NEGR1: variants seen among roughly 807,000 people sequenced by gnomAD.
NEGR1 encodes the protein neuronal growth regulator 1, also known as IgLON family member 4.
A neutral mutation model predicts 40.9 loss-of-function variants in NEGR1; 10 were observed. That is an observed-to-expected ratio of 0.24 (90% confidence interval 0.15 to 0.42). The LOEUF (loss-of-function observed/expected upper bound fraction) is 0.42, where lower values mean the gene tolerates loss of function less well. Among genes scored for constraint, NEGR1 ranks in the 10% least tolerant of loss-of-function variants. The pLI, the probability that NEGR1 is intolerant of heterozygous loss-of-function variation, is 1.00. For synonymous variants in NEGR1, 185 were observed against 166.8 expected (o/e 1.11, Z -0.84); for missense variants, 352 against 438.9 (o/e 0.80, Z 1.77).
chr1:71,709,154 CT>C, intron 3 of NEGR1, among the ~76,000 whole-genome samples: 2 of 152,206 alleles, frequency 1.3e-5, no homozygotes, highest in East Asian at 3.9e-4. Context: ...GGTTCTAGGT[CT>C]TTGAGGAATT....
At chr1:71,821,125 AT>A (rs1658414226) in intron 2 of NEGR1, among the ~76,000 whole-genome samples, 1 of 152,034 alleles carries the variant, frequency 6.6e-6, no homozygotes. Context: ...AACAATATTA[AT>A]TTATAGTTTT....
At chr1:71,938,383 C>A (rs1381909515) in intron 1 of NEGR1, among the ~76,000 whole-genome samples, 3 of 148,942 alleles carry the variant, frequency 2.0e-5, no homozygotes, top group Non-Finnish European at 4.4e-5. Context: ...CACATACACA[C>A]ACACACAGCT....
At chr1:71,851,028 C>T (rs938388065) in intron 2 of NEGR1, among the ~76,000 whole-genome samples, 22 of 152,128 alleles carry the variant, frequency 1.4e-4, no homozygotes, top group African/African-American at 4.8e-4. Flanking sequence ...TCAAGATGAG[C>T]GTGTGTTTCC....
intron 1 of NEGR1, among the ~76,000 whole-genome samples, chr1:72,006,053 T>C (rs929691068): frequency 2.0e-5 from 3 of 152,224 alleles, no homozygotes; most frequent in Admixed American, 1.3e-4. Context: ...GCCATTGTTA[T>C]GTCTGTCATT....
intron 6 of NEGR1, among the ~76,000 whole-genome samples, chr1:71,572,612 G>T (rs1237501740): frequency 6.6e-6 from 1 of 152,092 alleles, no homozygotes; most frequent in African/African-American, 2.4e-5. Context: ...TACGCGTGAG[G>T]TCTGGAGGCT....
At chr1:72,117,542 G>A (rs1031495866) in intron 1 of NEGR1, among the ~76,000 whole-genome samples, 1 of 151,646 alleles carries the variant, frequency 6.6e-6, no homozygotes, top group Non-Finnish European at 1.5e-5. Context: ...TCTCTGGGGA[G>A]GGGGAATAAA....
intron 6 of NEGR1, among the ~76,000 whole-genome samples, chr1:71,415,107 A>G (rs1288849701): frequency 2.0e-5 from 3 of 151,922 alleles, no homozygotes; most frequent in African/African-American, 7.3e-5. Flanking sequence ...TTGTATTTAT[A>G]TACTTATTCT....
intron 6 of NEGR1, among the ~76,000 whole-genome samples, chr1:71,433,421 G>C: frequency 6.6e-6 from 1 of 152,274 alleles, no homozygotes; most frequent in African/African-American, 2.4e-5. Context: ...GGCCAATAAA[G>C]AAGTATGATT....
At chr1:71,928,444 A>ATGTG (rs1252053646) in intron 2 of NEGR1, among the ~76,000 whole-genome samples, 3 of 87,746 alleles carry the variant, frequency 3.4e-5, no homozygotes, top group Non-Finnish European at 4.8e-5. Flanking sequence ...ATACACATAT[A>ATGTG]TATGTATATA....
At chr1:72,161,888 A>G (rs1256327699) in intron 1 of NEGR1, among the ~76,000 whole-genome samples, 1 of 150,776 alleles carries the variant, frequency 6.6e-6, no homozygotes, top group African/African-American at 2.4e-5. Context: ...ATGGGTTTTC[A>G]CTGTGTTGGC....
At chr1:71,690,568 AC>A (rs1349130719) in intron 4 of NEGR1, among the ~76,000 whole-genome samples, 2 of 25,678 alleles carry the variant, frequency 7.8e-5, no homozygotes, top group African/African-American at 2.6e-4. Flanking sequence ...GTTATATAAC[AC>A]ACACACACAC....
intron 6 of NEGR1, among the ~76,000 whole-genome samples, chr1:71,500,653 AATG>A (rs1646992948): frequency 6.6e-6 from 1 of 152,062 alleles, no homozygotes; most frequent in African/African-American, 2.4e-5. Flanking sequence ...TAATGTTTGT[AATG>A]ATAATAGTAC....
At chr1:71,681,730 T>C (rs912764797) in intron 4 of NEGR1, among the ~76,000 whole-genome samples, 1 of 152,242 alleles carries the variant, frequency 6.6e-6, no homozygotes, top group African/African-American at 2.4e-5. Context: ...TATGTCCTTA[T>C]GGAATTATAC....
intron 1 of NEGR1, among the ~76,000 whole-genome samples, chr1:72,269,006 AAAGTCTCTAG>A (rs1233515549): frequency 1.3e-5 from 2 of 151,566 alleles, no homozygotes; most frequent in Admixed American, 1.3e-4. Context: ...GTACACATGC[AAAGTCTCTAG>A]AAGACGGATA....
intron 2 of NEGR1, among the ~76,000 whole-genome samples, chr1:71,839,991 A>G (rs1659179939): frequency 6.6e-6 from 1 of 152,178 alleles, no homozygotes; most frequent in Non-Finnish European, 1.5e-5. Flanking sequence ...ACATAGCTGC[A>G]GGTGACGATG....
At chr1:71,702,716 A>T (rs1477854965) in intron 3 of NEGR1, among the ~76,000 whole-genome samples, 26 of 117,468 alleles carry the variant, frequency 2.2e-4, no homozygotes, top group South Asian at 3.4e-4. Flanking sequence ...AAGAATGAGC[A>T]AAACTTATTT....
At chr1:71,896,035 C>CT (rs71074810) in intron 2 of NEGR1, among the ~76,000 whole-genome samples, 7,506 of 111,192 alleles carry the variant, frequency 0.068, 555 homozygotes, top group African/African-American at 0.15. Flanking sequence ...TAACGTTTAA[C>CT]TTTTTTTTTT....
chr1:71,756,426 A>AAAAAAAAAAAAAAC, intron 3 of NEGR1, among the ~76,000 whole-genome samples: 1 of 139,656 alleles, frequency 7.2e-6, no homozygotes, highest in African/African-American at 2.7e-5. Flanking sequence ...AAAAAAAACC[A>AAAAAAAAAAAAAAC]AAAAAAACCA....
At chr1:72,034,712 G>C (rs1184741633) in intron 1 of NEGR1, among the ~76,000 whole-genome samples, 1 of 152,170 alleles carries the variant, frequency 6.6e-6, no homozygotes, top group Non-Finnish European at 1.5e-5. Context: ...TAAGAAATCA[G>C]AGTAGGTGAT....
Sources: gnomAD v4.1 joint callset for allele counts (sites outside exome capture counted in the v4.1 genomes callset) on GRCh38, gnomAD v4.1.1 for gene constraint, MANE v1.5 for transcripts, NCBI Gene and HGNC (gene_info 2026-07-23, HGNC 2026-07-21) for gene names.